The following AKAP13 variants were observed in gnomAD, a reference collection of about 807,000 sequenced individuals.
The protein encoded by AKAP13 is A-kinase anchoring protein 13, also known as A-kinase anchor protein 13.
AKAP13 carries 80 observed loss-of-function variants against 264.5 expected under a neutral mutation model. The observed-to-expected ratio is 0.30, with a 90% CI of 0.25 to 0.36. The LOEUF (loss-of-function observed/expected upper bound fraction) is 0.36, where lower values mean the gene tolerates loss of function less well. AKAP13 is among the 10% of genes least tolerant of loss of function. The pLI is 1.00. For missense variants in AKAP13, 3,712 were observed against 3,435.2 expected, an observed-to-expected ratio of 1.08 and a Z score of -2.01; for synonymous variants, 1,380 against 1,250.2, an observed-to-expected ratio of 1.10 and a Z score of -2.19.
chr15:85,396,502 A>G (rs192925487), intron 1 of AKAP13, among the ~76,000 whole-genome samples: 29 of 152,358 alleles, frequency 1.9e-4, no homozygotes, highest in African/African-American at 6.7e-4. Context: ...TTTTAAAAAA[A>G]GCTTTGTTTT....
intron 5 of AKAP13, among the ~76,000 whole-genome samples, chr15:85,557,251 G>C (rs1162963888): frequency 2.0e-5 from 3 of 152,146 alleles, no homozygotes; most frequent in Non-Finnish European, 4.4e-5. Flanking sequence ...AGCCTTGGTT[G>C]ATTTGCCTAA....
intron 6 of AKAP13, among the ~76,000 whole-genome samples, chr15:85,578,397 G>C (rs771973184): frequency 6.6e-6 from 1 of 152,056 alleles, no homozygotes. Flanking sequence ...GCCCAGGCTG[G>C]AGTGCAGTGG....
intron 8 of AKAP13, chr15:85,619,402 T>C: frequency 1.0e-6 from 1 of 985,252 alleles, no homozygotes. Context: ...TTTTTCCCTT[T>C]TACTCTGCTG....
chr15:85,606,532 CG>C (rs2080350859), intron 8 of AKAP13, among the ~76,000 whole-genome samples: 1 of 152,158 alleles, frequency 6.6e-6, no homozygotes, highest in African/African-American at 2.4e-5. Context: ...TCTTGTTCCA[CG>C]AGACTTGTAC....
chr15:85,490,997 T>C (rs2075706391), intron 2 of AKAP13, among the ~76,000 whole-genome samples: 2 of 152,208 alleles, frequency 1.3e-5, no homozygotes, highest in Admixed American at 6.5e-5. Context: ...AGAAGTGTTC[T>C]AGCCCAAGGG....
chr15:85,483,785 T>G (rs2075432798), intron 1 of AKAP13, among the ~76,000 whole-genome samples: 1 of 152,160 alleles, frequency 6.6e-6, no homozygotes, highest in South Asian at 2.1e-4. Context: ...CGCTCTAGCC[T>G]GGGCGACAGA....
At chr15:85,516,184 C>A (rs2076591483) in intron 2 of AKAP13, among the ~76,000 whole-genome samples, 1 of 152,160 alleles carries the variant, frequency 6.6e-6, no homozygotes, top group African/African-American at 2.4e-5. Flanking sequence ...TACATCCTGG[C>A]ACATTATAAT....
intron 1 of AKAP13, among the ~76,000 whole-genome samples, chr15:85,450,112 T>C (rs896978669): frequency 5.9e-5 from 9 of 152,084 alleles, no homozygotes; most frequent in South Asian, 4.2e-4. Flanking sequence ...TTGGTCTGTT[T>C]AGGGAATAAA....
At chr15:85,680,723 G>A (rs338509) in intron 14 of AKAP13, among the ~76,000 whole-genome samples, 51,935 of 152,036 alleles carry the variant, frequency 0.34, 9,725 homozygotes, top group African/African-American at 0.5. Flanking sequence ...AACAATAATA[G>A]ATAAAAATAA....
intron 23 of AKAP13, among the ~76,000 whole-genome samples, chr15:85,719,672 A>G (rs1196803361): frequency 1.8e-4 from 27 of 152,188 alleles, no homozygotes. Context: ...ACAGTGGCTC[A>G]TGCCTGTAAT....
chr15:85,631,384 C>G (rs1490214222), intron 8 of AKAP13, among the ~76,000 whole-genome samples: 2 of 151,956 alleles, frequency 1.3e-5, no homozygotes, highest in African/African-American at 4.8e-5. Flanking sequence ...TATGAATATA[C>G]TAGTACTATT....
chr15:85,592,798 C>T (rs909152612), intron 8 of AKAP13, among the ~76,000 whole-genome samples: 2 of 152,036 alleles, frequency 1.3e-5, no homozygotes, highest in African/African-American at 2.4e-5. Flanking sequence ...AAAAGAAGTA[C>T]CTCAGAGAAC....
chr15:85,450,703 C>T (rs559761823), intron 1 of AKAP13, among the ~76,000 whole-genome samples: 36 of 152,108 alleles, frequency 2.4e-4, no homozygotes, highest in Admixed American at 1.5e-3. Flanking sequence ...ATTTTCATTG[C>T]GCTGTGGTCT....
chr15:85,712,537 A>G (rs1468752321), intron 19 of AKAP13, among the ~76,000 whole-genome samples: 3 of 149,880 alleles, frequency 2.0e-5, no homozygotes, highest in African/African-American at 7.3e-5. Context: ...TTTGATCCCC[A>G]CAAGTATTTT....
rs74250439 is a variant in AKAP13 at position 85,560,082 on chromosome 15, C to T, written c.663-15049C>T. 8.9e-3 allele frequency among the ~76,000 whole-genome samples: 1,254 copies of T among 140,766 alleles called. 92 individuals are homozygous for T. In the East Asian group the frequency reaches 0.19, roughly 21 times the overall value. 92.3% of individuals were successfully genotyped at this position (140,766 alleles called of 152,430 possible). ...GATGTCTGCGTCATGGTTTATTACTCCTGTGTTCGTTTCAAGGAGCTCCTG... is the reference window on the plus strand; with the variant it reads ...GATGTCTGCGTCATGGTTTATTACTTCTGTGTTCGTTTCAAGGAGCTCCTG... On this transcript the variant is annotated intron_variant, in intron 5 of 36. Transcript: ENST00000394518.
intron 2 of AKAP13, among the ~76,000 whole-genome samples, chr15:85,517,916 G>A (rs2076667831): frequency 6.6e-6 from 1 of 152,196 alleles, no homozygotes; most frequent in African/African-American, 2.4e-5. Context: ...GGATCACGCT[G>A]TTTCTTAAGT....
At chr15:85,630,260 C>CACAT (rs1242952915) in intron 8 of AKAP13, among the ~76,000 whole-genome samples, 4 of 151,074 alleles carry the variant, frequency 2.6e-5, no homozygotes, top group African/African-American at 9.7e-5. Flanking sequence ...CACACACACA[C>CACAT]ACACACAAAC....
chr15:85,599,585 G>T lies in AKAP13; in HGVS notation c.4161+13762G>T, dbSNP rs534396913. Among the ~76,000 whole-genome samples, 16 of 152,282 alleles carry T rather than the reference G, an allele frequency of 1.1e-4. No homozygotes were observed. The South Asian group carries it at 3.1e-3, about 30-fold the overall frequency. ...TACTGTGCTTCTAGCTGTCCCAGAA[G>T]GGGGGAGGTGGGAAGCTCATCAGTG... On this transcript the variant is annotated intron_variant, in intron 8 of 36. Coordinates refer to ENST00000394518, the MANE Select transcript of AKAP13 (RefSeq NM_007200.5).
chr15:85,705,530 A>C (rs1304337423), intron 17 of AKAP13, among the ~76,000 whole-genome samples: 4 of 152,190 alleles, frequency 2.6e-5, no homozygotes, highest in African/African-American at 9.7e-5. Context: ...GATGCGATAA[A>C]TGGATTATGC....
Sources: gnomAD v4.1 joint callset for allele counts (sites outside exome capture counted in the v4.1 genomes callset) on GRCh38, gnomAD v4.1.1 for gene constraint, MANE v1.5 for transcripts, NCBI Gene and HGNC (gene_info 2026-07-23, HGNC 2026-07-21) for gene names.